ZC3H12B: variants seen among roughly 807,000 people sequenced by gnomAD.
The protein encoded by ZC3H12B is probable ribonuclease ZC3H12B.
ZC3H12B carries 7 observed loss-of-function variants against 43.9 expected under a neutral mutation model. The observed-to-expected ratio is 0.16, with a 90% CI of 0.09 to 0.30. The LOEUF is 0.30. Among genes scored for constraint, ZC3H12B ranks in the 10% least tolerant of loss-of-function variants. The pLI is 1.00. For missense variants in ZC3H12B, 475 were observed against 670.2 expected, an observed-to-expected ratio of 0.71 and a Z score of 3.22; for synonymous variants, 222 against 241.7, an observed-to-expected ratio of 0.92 and a Z score of 0.76.
chrX:65,092,175 C>T, the ZC3H12B span, among the ~76,000 whole-genome samples: 4 of 111,913 alleles, frequency 3.6e-5, no homozygotes, highest in Non-Finnish European at 5.6e-5. Flanking sequence ...TCCTGAGAAG[C>T]GAGCAGATGC....
At chrX:65,419,407 G>C (rs1331229887) in intron 3 of ZC3H12B, among the ~76,000 whole-genome samples, 1 of 111,852 alleles carries the variant, frequency 8.9e-6, no homozygotes, top group African/African-American at 3.3e-5. Flanking sequence ...TCACACTTGT[G>C]GTCAGCAAAT....
intron 2 of ZC3H12B, among the ~76,000 whole-genome samples, chrX:65,372,643 A>G (rs928365427): frequency 9.1e-6 from 1 of 110,194 alleles, no homozygotes. Context: ...GAAGGGAGGA[A>G]GGAAGGAAGG....
At chrX:65,505,234 G>A (rs2068413836) in exon 5 of ZC3H12B, 1 of 112,321 alleles carries the variant, frequency 8.9e-6, no homozygotes, top group Non-Finnish European at 1.9e-5. Flanking sequence ...AGAAGGCCGG[G>A]CCTTGGCCTT....
At chrX:65,430,483 TCCCTCCC>T (rs2067143978) in intron 3 of ZC3H12B, among the ~76,000 whole-genome samples, 1 of 68,980 alleles carries the variant, frequency 1.4e-5, no homozygotes, top group Admixed American at 1.6e-4. Flanking sequence ...CCTAATGCTA[TCCCTCCC>T]CCCTCCCCCC....
chrX:65,063,551 A>T, the ZC3H12B span, among the ~76,000 whole-genome samples: 1 of 112,115 alleles, frequency 8.9e-6, no homozygotes, highest in African/African-American at 3.2e-5. Flanking sequence ...GTGCTCCTGG[A>T]TTCAGTTTGT....
intron 2 of ZC3H12B, among the ~76,000 whole-genome samples, chrX:65,383,201 A>G (rs1385721467): frequency 1.8e-5 from 2 of 111,949 alleles, no homozygotes; most frequent in African/African-American, 6.5e-5. Context: ...GACTTCCAAC[A>G]ATACTACAAG....
At chrX:65,213,225 A>C in the ZC3H12B span, among the ~76,000 whole-genome samples, 1 of 110,294 alleles carries the variant, frequency 9.1e-6, no homozygotes, top group Admixed American at 9.8e-5. Flanking sequence ...GCCCACGAGT[A>C]TACCAAGTCT....
At chrX:65,058,682 TAC>T in the ZC3H12B span, among the ~76,000 whole-genome samples, 1 of 112,097 alleles carries the variant, frequency 8.9e-6, no homozygotes, top group Non-Finnish European at 1.9e-5. Context: ...AGGTGGAGTC[TAC>T]AGAGTCAGGC....
At chrX:65,103,300 G>A in the ZC3H12B span, among the ~76,000 whole-genome samples, 1 of 111,822 alleles carries the variant, frequency 8.9e-6, no homozygotes, top group African/African-American at 3.2e-5. Flanking sequence ...ATTTGCTTTT[G>A]TAAGAAGAGA....
At chrX:65,272,634 CTG>C in the ZC3H12B span, 1 of 111,834 alleles carries the variant, frequency 8.9e-6, no homozygotes, top group Non-Finnish European at 1.9e-5. Flanking sequence ...ATGATGCCCT[CTG>C]TTTTATTTCC....
rs772308161 is a variant in ZC3H12B, at chrX:65,372,621, AGAGGAAGG to A, written n.295+3640_295+3647del. On this transcript the variant is annotated intron_variant and non_coding_transcript_variant, in intron 2 of 5. Coordinates refer to the ZC3H12B transcript ENST00000617377. ...AGAAGAGTGGACAGGAGAGAGGGAGAGAGGAAGGGAGGAAGGGAGGAAGGAAGGAAGGA... is the reference window on the plus strand; with the variant it reads ...AGAAGAGTGGACAGGAGAGAGGGAGAGAGGAAGGGAGGAAGGAAGGAAGGA... Among the ~76,000 whole-genome samples, 14 of 105,042 alleles carry A rather than the reference AGAGGAAGG, an allele frequency of 1.3e-4. No individual in the cohort carries two copies. The South Asian group carries it at 4.1e-3, about 30-fold the overall frequency. The allele number at this position is 105,042 out of a possible 115,157, so 91.2% of individuals were successfully genotyped here. A position where few individuals can be genotyped will look rare whatever the true frequency, so the allele number is the denominator to read the frequency against.
the ZC3H12B span, among the ~76,000 whole-genome samples, chrX:65,104,150 C>CA: frequency 2.2e-4 from 24 of 111,591 alleles, no homozygotes; most frequent in Non-Finnish European, 3.4e-4. Context: ...ACAAACCTCA[C>CA]AAAAACAAGA....
the ZC3H12B span, among the ~76,000 whole-genome samples, chrX:65,283,493 GAAAT>G: frequency 0.013 from 1,449 of 111,753 alleles, 10 homozygotes; most frequent in Non-Finnish European, 0.019. Flanking sequence ...GCAAGAGAAA[GAAAT>G]AAAGGGTAAT....
chrX:65,464,100 C>A (rs1305110023), intron 3 of ZC3H12B, among the ~76,000 whole-genome samples: 2 of 112,284 alleles, frequency 1.8e-5, no homozygotes, highest in Non-Finnish European at 3.8e-5. Flanking sequence ...TTTTCTTACT[C>A]TCTCAAAGGA....
the ZC3H12B span, among the ~76,000 whole-genome samples, chrX:65,092,818 G>A: frequency 1.8e-5 from 2 of 112,302 alleles, no homozygotes; most frequent in African/African-American, 6.5e-5. Flanking sequence ...GATAAAAAAG[G>A]AAAACACATT....
the ZC3H12B span, among the ~76,000 whole-genome samples, chrX:65,265,248 T>A: frequency 8.9e-6 from 1 of 112,059 alleles, no homozygotes; most frequent in East Asian, 2.8e-4. Context: ...TAATCAAGAT[T>A]TAAACATAGG....
upstream of ZC3H12B, among the ~76,000 whole-genome samples, chrX:65,364,542 T>C (rs763459524): frequency 2.2e-5 from 2 of 91,029 alleles, no homozygotes; most frequent in African/African-American, 1.7e-4. Context: ...CTATCCTTCA[T>C]GGCAGTTTTT....
At chrX:65,416,786 C>CA (rs57825587) in intron 3 of ZC3H12B, among the ~76,000 whole-genome samples, 482 of 82,719 alleles carry the variant, frequency 5.8e-3, no homozygotes, top group Middle Eastern at 0.013. Context: ...GAGACTCCGT[C>CA]AAAAAAAAAA....
chrX:65,269,513 T>C, the ZC3H12B span, among the ~76,000 whole-genome samples: 2 of 110,862 alleles, frequency 1.8e-5, no homozygotes, highest in Non-Finnish European at 3.8e-5. Context: ...TTATTATTAT[T>C]TTTTTTGACA....
Sources: gnomAD v4.1 joint callset for allele counts (sites outside exome capture counted in the v4.1 genomes callset) on GRCh38, gnomAD v4.1.1 for gene constraint, MANE v1.5 for transcripts, NCBI Gene and HGNC (gene_info 2026-07-23, HGNC 2026-07-21) for gene names.